The following ACSM3 variants were observed in gnomAD, a reference collection of about 807,000 sequenced individuals.
ACSM3 encodes acyl-coenzyme A synthetase ACSM3, mitochondrial.
ACSM3 carries 61 observed loss-of-function variants against 74.1 expected under a neutral mutation model. The ratio of observed to expected loss-of-function variants is 0.82; its 90% CI spans 0.67 to 1.02. ACSM3 has a LOEUF of 1.02. Ranked by LOEUF, ACSM3 falls within the 50% of genes least tolerant of loss-of-function variation. ACSM3 has a pLI of 0.00. For missense variants in ACSM3, 660 were observed against 697.0 expected (o/e 0.95, Z 0.60); for synonymous variants, 213 against 241.5 (o/e 0.88, Z 1.09).
Position 20,796,926 on chromosome 16 carries a change from A to G in ACSM3, c.1715A>G (p.Lys572Arg). The change falls in exon 14 of 14, where the codon AAG becomes AGG. Residue 572 changes from lysine to arginine, a missense_variant. Transcript: ENST00000289416. ...IQELPKTISG[K>R]TKRNELRKKE... is the part of the protein sequence containing the mutation. ...GAGCTGCCAAAGACTATCAGTGGGA[A>G]GACAAAAAGAAATGAACTGAGGAAG... The G allele has an allele frequency of 6.2e-7, 1 of 1,613,192 alleles. No homozygotes were observed. Among genetic ancestry groups the G allele is most frequent in the Non-Finnish European group, 8.5e-7 (1 of 1,179,584 alleles).
chr16:20,717,956 GGAAGAA>G (rs746227909), intron 1 of ACSM3, among the ~76,000 whole-genome samples: 4,440 of 74,004 alleles, frequency 0.06, 123 homozygotes, highest in East Asian at 0.073. Context: ...AAGAGGAAGA[GGAAGAA>G]GAAGAAGAAG....
chr16:20,712,322 G>T (rs2079746441), intron 1 of ACSM3, among the ~76,000 whole-genome samples: 2 of 152,098 alleles, frequency 1.3e-5, no homozygotes. Flanking sequence ...GCCAACTCCT[G>T]CCCTAAACCG....
At chr16:20,677,860 T>C (rs1449401889) in intron 1 of ACSM3, among the ~76,000 whole-genome samples, 1 of 151,784 alleles carries the variant, frequency 6.6e-6, no homozygotes, top group Non-Finnish European at 1.5e-5. Context: ...CATGAGGCTA[T>C]TTACAAAGAA....
upstream of ACSM3, chr16:20,763,873 A>G (rs1295061701): frequency 6.6e-6 from 1 of 152,194 alleles, no homozygotes; most frequent in African/African-American, 2.4e-5. Context: ...GTTTCTGTAA[A>G]TCATTACCTG....
rs145808146 is a variant in ACSM3, at chr16:20,719,875, G to A, written c.-189-30035G>A. Among the ~76,000 whole-genome samples, 796 of 152,274 alleles carry A rather than the reference G, an allele frequency of 5.2e-3. 6 individuals are homozygous for A. The highest frequency in any genetic ancestry group is 0.018 in the African/African-American group (744 of 41,560). On this transcript the variant is annotated intron_variant, in intron 1 of 3. Transcript: ENST00000561584. Reference sequence around the variant, plus strand: ...ACTCTTCTGGAAATCAGACATGCATGCCCTGCCTTCTCAACCAGGGACAGC... The same window carrying A: ...ACTCTTCTGGAAATCAGACATGCATACCCTGCCTTCTCAACCAGGGACAGC...
chr16:20,797,104 G>T lies in ACSM3; in HGVS notation c.*132G>T. 1 of 1,394,730 alleles carries T rather than the reference G, an allele frequency of 7.2e-7. No individual in the cohort carries two copies. The highest frequency in any genetic ancestry group is 1.8e-5 in the South Asian group (1 of 55,128). 86.4% of individuals were successfully genotyped at this position (1,394,730 alleles called of 1,614,324 possible). On this transcript the variant is annotated 3_prime_UTR_variant, in exon 14 of 14. Coordinates refer to ENST00000289416, the MANE Select transcript of ACSM3 (RefSeq NM_005622.4). Reference sequence around the variant, plus strand: ...AAACTGTTGATTTAAAATATCTTGTGGTTATGATATCAGAGGCTAAATTTT... The same window carrying T: ...AAACTGTTGATTTAAAATATCTTGTTGTTATGATATCAGAGGCTAAATTTT...
At chr16:20,753,666 G>C (rs2080005732) in intron 2 of ACSM3, among the ~76,000 whole-genome samples, 1 of 151,958 alleles carries the variant, frequency 6.6e-6, no homozygotes, top group Admixed American at 6.6e-5. Context: ...TATACAGACA[G>C]AGAATAAAGA....
intron 3 of ACSM3, among the ~76,000 whole-genome samples, chr16:20,758,001 G>T (rs959716486): frequency 3.9e-5 from 6 of 152,122 alleles, no homozygotes; most frequent in Non-Finnish European, 8.8e-5. Flanking sequence ...GATCATGGTG[G>T]ATAAGCTTTT....
intron 1 of ACSM3, chr16:20,721,975 T>C (rs913458911): frequency 2.0e-5 from 3 of 152,204 alleles, no homozygotes; most frequent in African/African-American, 7.2e-5. Flanking sequence ...ATATGTCATA[T>C]TGAGAATTCT....
At chr16:20,713,790 G>A (rs2079751839) in intron 1 of ACSM3, among the ~76,000 whole-genome samples, 1 of 152,104 alleles carries the variant, frequency 6.6e-6, no homozygotes, top group African/African-American at 2.4e-5. Context: ...TAGTTTTCAA[G>A]ATGGAAAAAA....
intron 1 of ACSM3, chr16:20,738,728 C>T: frequency 1.4e-6 from 1 of 707,864 alleles, no homozygotes; most frequent in Non-Finnish European, 2.4e-6. Context: ...CTACGTCCAC[C>T]ACCCCATTCT....
At chr16:20,684,878 A>C (rs1232625765) in intron 1 of ACSM3, among the ~76,000 whole-genome samples, 4 of 152,140 alleles carry the variant, frequency 2.6e-5, no homozygotes, top group Non-Finnish European at 5.9e-5. Context: ...TATGAGACAA[A>C]GTTTGGCACT....
At chr16:20,791,911 G>A in intron 10 of ACSM3, 91 bp from the exon 11 acceptor site, 11 of 1,478,136 alleles carry the variant, frequency 7.4e-6, no homozygotes, top group Non-Finnish European at 9.1e-6. Context: ...CTGGGTAACA[G>A]AGTGAGACTG....
At chr16:20,768,039 T>C (rs986700967) in intron 1 of ACSM3, among the ~76,000 whole-genome samples, 3 of 152,182 alleles carry the variant, frequency 2.0e-5, no homozygotes, top group Non-Finnish European at 4.4e-5. Flanking sequence ...GCAGAGACCA[T>C]ATGGCCCACA....
Position 20,689,525 on chromosome 16 carries a change from T to TAA in ACSM3, c.-190+14712_-190+14713dup, listed in dbSNP as rs548362843. On this transcript the variant is annotated intron_variant, in intron 1 of 3. Transcript: ENST00000561584. ...AAAAGACATAGATTGGCAGAATGGATAAAAAAAAAATCCAACTACATGCTG... is the reference window on the plus strand; with the variant it reads ...AAAAGACATAGATTGGCAGAATGGATAAAAAAAAAAAATCCAACTACATGCTG... Among the ~76,000 whole-genome samples the TAA allele has an allele frequency of 2.0e-5, 3 of 149,644 alleles. No individual in the cohort carries two copies. The South Asian group carries it at 6.3e-4, about 32-fold the overall frequency.
At chr16:20,775,488 G>C (rs972089213) in intron 2 of ACSM3, among the ~76,000 whole-genome samples, 1 of 152,108 alleles carries the variant, frequency 6.6e-6, no homozygotes, top group Non-Finnish European at 1.5e-5. Context: ...TCTGGGCTCT[G>C]TGCTGATCCT....
chr16:20,695,421 T>C (rs75346969), intron 1 of ACSM3, among the ~76,000 whole-genome samples: 10,657 of 152,240 alleles, frequency 0.07, 520 homozygotes, highest in East Asian at 0.21. Context: ...GAAGCTCTTA[T>C]AGAGTAGTTA....
At chr16:20,714,624 G>A (rs1010301076) in intron 1 of ACSM3, among the ~76,000 whole-genome samples, 3 of 152,168 alleles carry the variant, frequency 2.0e-5, no homozygotes, top group Non-Finnish European at 4.4e-5. Flanking sequence ...TGTGGAAGAT[G>A]AAGGAAGAAA....
intron 1 of ACSM3, among the ~76,000 whole-genome samples, chr16:20,676,436 T>G (rs767261939): frequency 6.6e-6 from 1 of 152,208 alleles, no homozygotes; most frequent in Non-Finnish European, 1.5e-5. Context: ...GGTTGTACAC[T>G]CTGTTTAACC....
Sources: gnomAD v4.1 joint callset for allele counts (sites outside exome capture counted in the v4.1 genomes callset) on GRCh38, gnomAD v4.1.1 for gene constraint, MANE v1.5 for transcripts, NCBI Gene and HGNC (gene_info 2026-07-23, HGNC 2026-07-21) for gene names.